CDH23: variants seen among roughly 807,000 people sequenced by gnomAD.
The protein encoded by CDH23 is cadherin related 23.
CDH23 carries 189 observed loss-of-function variants against 317.1 expected under a neutral mutation model. That is an observed-to-expected ratio of 0.60 (90% CI 0.53 to 0.67). The LOEUF (loss-of-function observed/expected upper bound fraction) is 0.67, where lower values mean the gene tolerates loss of function less well. Ranked by LOEUF, CDH23 falls within the 30% of genes least tolerant of loss-of-function variation. CDH23 has a pLI of 0.00. For missense variants in CDH23, 4,401 were observed against 4,592.4 expected (o/e 0.96, Z 1.20); for synonymous variants, 1,839 against 1,876.8 (o/e 0.98, Z 0.52).
intron 11 of CDH23, among the ~76,000 whole-genome samples, chr10:71,638,605 C>T (rs1336539013): frequency 1.3e-5 from 2 of 152,236 alleles, no homozygotes; most frequent in Non-Finnish European, 2.9e-5. Flanking sequence ...AAATCCACCC[C>T]TCTGAGGCAG....
intron 28 of CDH23, among the ~76,000 whole-genome samples, chr10:71,719,239 CA>C (rs1866436999): frequency 6.6e-6 from 1 of 152,184 alleles, no homozygotes; most frequent in African/African-American, 2.4e-5. Flanking sequence ...GGCTACTGAC[CA>C]ACCAGCAAAG....
intron 3 of CDH23, among the ~76,000 whole-genome samples, chr10:71,493,547 T>C (rs1311434118): frequency 6.6e-6 from 1 of 152,144 alleles, no homozygotes; most frequent in Non-Finnish European, 1.5e-5. Flanking sequence ...CAGTTATTAT[T>C]TCCCATTCCA....
intron 6 of CDH23, among the ~76,000 whole-genome samples, chr10:71,535,636 C>T (rs1461423686): frequency 6.6e-6 from 1 of 152,210 alleles, no homozygotes; most frequent in Non-Finnish European, 1.5e-5. Flanking sequence ...CTGTGTTCTG[C>T]CTGGTAGCCA....
chr10:71,709,964 A>G (rs1865915530), intron 27 of CDH23, among the ~76,000 whole-genome samples: 1 of 152,136 alleles, frequency 6.6e-6, no homozygotes, highest in South Asian at 2.1e-4. Flanking sequence ...GGAAGACGCA[A>G]AAGTAGAAAC....
intron 11 of CDH23, among the ~76,000 whole-genome samples, chr10:71,643,145 G>A (rs1030642036): frequency 2.6e-5 from 4 of 152,208 alleles, no homozygotes; most frequent in African/African-American, 9.7e-5. Flanking sequence ...GTAGTTCTAA[G>A]TGAAAAGACT....
chr10:71,676,579 A>G (rs746815135), intron 15 of CDH23, among the ~76,000 whole-genome samples: 11 of 152,248 alleles, frequency 7.2e-5, no homozygotes, highest in South Asian at 6.2e-4. Context: ...ATGAGCTGAG[A>G]TTGTGCCACT....
At chr10:71,720,942 G>A (rs1013100565) in intron 28 of CDH23, among the ~76,000 whole-genome samples, 4 of 152,170 alleles carry the variant, frequency 2.6e-5, no homozygotes, top group Non-Finnish European at 5.9e-5. Context: ...CAAAGCATCC[G>A]GCCCAAAGGT....
intron 11 of CDH23, among the ~76,000 whole-genome samples, chr10:71,624,991 A>C (rs188677513): frequency 6.6e-6 from 1 of 152,158 alleles, no homozygotes; most frequent in Non-Finnish European, 1.5e-5. Context: ...TCTGCTGAGA[A>C]GATGAGCTTG....
At chr10:71,681,706 G>T (rs1864659408) in intron 17 of CDH23, among the ~76,000 whole-genome samples, 1 of 152,228 alleles carries the variant, frequency 6.6e-6, no homozygotes, top group Admixed American at 6.5e-5. Flanking sequence ...GGAGGCCGAG[G>T]CGGGAGGATT....
At chr10:71,713,428 G>A (rs1286822711) in intron 28 of CDH23, 6 of 608,190 alleles carry the variant, frequency 9.9e-6, no homozygotes, top group Admixed American at 5.7e-5. Context: ...TTTCCGACTC[G>A]GAGGCTGAGC....
chr10:71,815,374 C>A lies in CDH23; in HGVS notation c.*96C>A. The A allele has an allele frequency of 8.3e-7, 1 of 1,205,872 alleles. No individual in the cohort carries two copies. The highest frequency in any genetic ancestry group is 1.1e-6 in the Non-Finnish European group (1 of 884,034). 74.7% of individuals were successfully genotyped at this position (1,205,872 alleles called of 1,614,324 possible). A position where few individuals can be genotyped will look rare whatever the true frequency, so the allele number is the denominator to read the frequency against. On this transcript the variant is annotated 3_prime_UTR_variant, in exon 70 of 70. Transcript: ENST00000224721. ...ACAGGGCCGGTCGGGGGGGACCCTC[C>A]AAGGCCAGGCCTTGGGGACAACCTT...
intron 11 of CDH23, among the ~76,000 whole-genome samples, chr10:71,632,993 G>A (rs948235681): frequency 8.5e-5 from 13 of 152,150 alleles, no homozygotes; most frequent in African/African-American, 2.7e-4. Flanking sequence ...CAGAGTCACG[G>A]GGTGGTGCAG....
rs55964031 is a variant in CDH23 at position 71,791,331 on chromosome 10, G to C, written c.6249G>C (p.Pro2083=). ...TLTVHLLENC[P]PGFSVLQVTA... is the part of the protein sequence containing the mutation. Reference sequence around the variant, plus strand: ...CTGTCCATCTGCTAGAGAACTGCCCGCCTGGTAAGCAGGGGACAGGCCCCA... The same window carrying C: ...CTGTCCATCTGCTAGAGAACTGCCCCCCTGGTAAGCAGGGGACAGGCCCCA... The change falls in exon 47 of 70, where the codon CCG becomes CCC. Residue 2083 remains proline, a synonymous_variant. Transcript: ENST00000224721. The C allele has an allele frequency of 3.7e-6, 6 of 1,612,996 alleles. No homozygotes were observed. The South Asian group carries it at 5.5e-5, about 15-fold the overall frequency.
intron 6 of CDH23, among the ~76,000 whole-genome samples, chr10:71,521,972 G>T (rs1025888433): frequency 6.6e-6 from 1 of 152,138 alleles, no homozygotes; most frequent in South Asian, 2.1e-4. Context: ...CCTGAGTCTT[G>T]GGCGAGTCGT....
At chr10:71,574,186 C>T (rs780779096) in intron 8 of CDH23, among the ~76,000 whole-genome samples, 3 of 152,088 alleles carry the variant, frequency 2.0e-5, no homozygotes, top group Non-Finnish European at 4.4e-5. Context: ...CCAACTCCCC[C>T]TCTTTATCTG....
At position 71,432,444 on chromosome 10, in the gene CDH23, CGT is replaced by C. The variant is rs1222355946; in HGVS notation, c.-5-7375_-5-7374del. On this transcript the variant is annotated intron_variant, in intron 1 of 69. Coordinates refer to ENST00000224721, the MANE Select transcript of CDH23 (RefSeq NM_022124.6). ...GTGTGGGTGAGTGTGTGTTTGAGAGCGTGTGTGTGAGAGCATGTGAGTGTGTA... is the reference window on the plus strand; with the variant it reads ...GTGTGGGTGAGTGTGTGTTTGAGAGCGTGTGTGAGAGCATGTGAGTGTGTA... 5.7e-4 allele frequency among the ~76,000 whole-genome samples: 82 copies of C among 142,828 alleles called. 1 individual carries two copies. Among genetic ancestry groups the C allele is most frequent in the African/African-American group, 2.1e-3 (78 of 36,932 alleles). The allele number at this position is 142,828 out of a possible 152,430, so 93.7% of individuals were successfully genotyped here.
chr10:71,667,359 A>AGAGAGAGAGAGAGAGTGTGT (rs58361666), intron 14 of CDH23, among the ~76,000 whole-genome samples: 1 of 112,078 alleles, frequency 8.9e-6, no homozygotes. Context: ...AGAGAGAGAG[A>AGAGAGAGAGAGAGAGTGTGT]GTGTGTGTGT....
chr10:71,788,976 A>T lies in CDH23; in HGVS notation c.5857A>T (p.Asn1953Tyr). 6.2e-7 allele frequency: 1 copy of T among 1,603,066 alleles called. No individual in the cohort carries two copies. Among genetic ancestry groups the T allele is most frequent in the Non-Finnish European group, 8.5e-7 (1 of 1,170,028 alleles). ...GCTTCTGATCTTCCTTTCTGATGAGAATGACAACCACCCCCTCTTCACTAA... is the reference window on the plus strand; with the variant it reads ...GCTTCTGATCTTCCTTTCTGATGAGTATGACAACCACCCCCTCTTCACTAA... ...DLLLIFLSDE[N>Y]DNHPLFTKST... Residue 1953 changes from asparagine (N) to tyrosine (Y), a missense_variant, in exon 45 of 70, where the codon AAT (asparagine) becomes TAT (tyrosine). By Grantham distance (143) the Asn-to-Tyr change is moderately radical (BLOSUM62 -2). Around this residue, in one of 3 missense-constraint regions of CDH23, gnomAD observed 3,068 missense variants for 3,203.3 expected, o/e 0.96. Coordinates refer to ENST00000224721, the MANE Select transcript of CDH23 (RefSeq NM_022124.6).
At position 71,470,686 on chromosome 10, in the gene CDH23, T is replaced by A. The variant is rs573107854; in HGVS notation, c.145+24291T>A. Among the ~76,000 whole-genome samples, 187 of 152,038 alleles carry A rather than the reference T, an allele frequency of 1.2e-3. 3 individuals carry two copies. Among genetic ancestry groups the A allele is most frequent in the African/African-American group, 4.4e-3 (182 of 41,462 alleles). ...TTATGTTTTGTAGAGATGGGTGGGGTCTTGCTGTGTTGTCTGGGCTGGTCT... is the reference window on the plus strand; with the variant it reads ...TTATGTTTTGTAGAGATGGGTGGGGACTTGCTGTGTTGTCTGGGCTGGTCT... On this transcript the variant is annotated intron_variant, in intron 3 of 69. Transcript: ENST00000224721.
Sources: gnomAD v4.1 joint callset for allele counts (sites outside exome capture counted in the v4.1 genomes callset) on GRCh38, gnomAD v4.1.1 for gene constraint, gnomAD v4.1.1 regional missense constraint, MANE v1.5 for transcripts, NCBI Gene and HGNC (gene_info 2026-07-23, HGNC 2026-07-21) for gene names.